Variants in MKNK1 observed in about 807,000 individuals in gnomAD.
MKNK1 encodes MAPK interacting serine/threonine kinase 1, also known as MAP kinase-interacting serine/threonine-protein kinase 1.
Under a neutral mutation model 49.3 loss-of-function variants are expected in MKNK1, and 30 were observed. That is an observed-to-expected ratio of 0.61 (90% CI 0.46 to 0.83). The LOEUF is 0.83. Among genes scored for constraint, MKNK1 ranks in the 40% least tolerant of loss-of-function variants. MKNK1 has a pLI of 0.00. For synonymous variants in MKNK1, 176 were observed against 201.7 expected (o/e 0.87, Z 1.08); for missense variants, 423 against 524.7 (o/e 0.81, Z 1.89).
chr1:46,582,940 C>G (rs896597701), intron 3 of MKNK1: 3 of 579,768 alleles, frequency 5.2e-6, no homozygotes, highest in Non-Finnish European at 9.8e-6. Flanking sequence ...AAAGGAAGAC[C>G]CCAGGCAATG....
chr1:46,596,824 C>T (rs1208972219), intron 1 of MKNK1, among the ~76,000 whole-genome samples: 1 of 152,128 alleles, frequency 6.6e-6, no homozygotes, highest in Non-Finnish European at 1.5e-5. Flanking sequence ...TGGAAAGCAA[C>T]CCAGCCAATC....
intron 9 of MKNK1, among the ~76,000 whole-genome samples, chr1:46,563,993 C>T (rs1392749015): frequency 8.1e-5 from 10 of 123,506 alleles, no homozygotes; most frequent in South Asian, 5.3e-4. Flanking sequence ...TGCAGTGAGC[C>T]GAGATCACGC....
intron 4 of MKNK1, 61 bp downstream of exon 4, chr1:46,580,469 C>A (rs752223928): frequency 2.6e-6 from 3 of 1,148,330 alleles, no homozygotes; most frequent in Middle Eastern, 2.0e-4. Flanking sequence ...TTATTTGGTT[C>A]AAGATGAGCT....
Position 46,566,038 on chromosome 1 carries a change from A to C in MKNK1, c.514-902T>G, listed in dbSNP as rs140328558. Among the ~76,000 whole-genome samples the C allele has an allele frequency of 5.2e-3, 797 of 152,332 alleles. 9 individuals are homozygous for C. Among genetic ancestry groups the C allele is most frequent in the South Asian group, 0.032 (153 of 4,824 alleles). On this transcript the variant is annotated intron_variant, in intron 8 of 12. Transcript: ENST00000371945. Reference sequence around the variant, plus strand: ...AGTAGACAGTTTAGTGGTATTAATTAAGTACATTCACAGGGTTGTGCAACC... The same window carrying C: ...AGTAGACAGTTTAGTGGTATTAATTCAGTACATTCACAGGGTTGTGCAACC...
chr1:46,564,508 C>A (rs1349603871), intron 9 of MKNK1, among the ~76,000 whole-genome samples: 1 of 78,346 alleles, frequency 1.3e-5, no homozygotes, highest in East Asian at 3.8e-4. Context: ...CGGAGTTTTG[C>A]TCTTGTTGCC....
At chr1:46,591,673 CT>C (rs1673361055) in intron 2 of MKNK1, among the ~76,000 whole-genome samples, 2 of 152,196 alleles carry the variant, frequency 1.3e-5, no homozygotes, top group Non-Finnish European at 2.9e-5. Flanking sequence ...CCCCAAGCCC[CT>C]GTCTACCTTC....
chr1:46,593,980 G>T, intron 2 of MKNK1, 133 bp downstream of exon 2: 1 of 670,760 alleles, frequency 1.5e-6, no homozygotes, highest in Non-Finnish European at 2.7e-6. Context: ...TACCAGGGCA[G>T]CTCCGCTATT....
At chr1:46,566,517 G>C (rs1215445546) in intron 8 of MKNK1, among the ~76,000 whole-genome samples, 2 of 152,206 alleles carry the variant, frequency 1.3e-5, no homozygotes, top group African/African-American at 2.4e-5. Context: ...GAGTGGAATT[G>C]CTGGGTCATA....
chr1:46,568,328 G>C, intron 8 of MKNK1, 115 bp downstream of exon 8: 1 of 895,074 alleles, frequency 1.1e-6, no homozygotes, highest in Admixed American at 1.9e-5. Context: ...TGTCCAAGAC[G>C]ATCAGTTCAA....
chr1:46,570,864 C>T (rs533368315), intron 7 of MKNK1, among the ~76,000 whole-genome samples: 13 of 152,330 alleles, frequency 8.5e-5, no homozygotes, highest in Admixed American at 3.3e-4. Flanking sequence ...ACAAGATACA[C>T]ATTTTTCATC....
intron 7 of MKNK1, chr1:46,571,570 T>A (rs1488235460): frequency 4.7e-6 from 2 of 428,252 alleles, no homozygotes; most frequent in Non-Finnish European, 9.2e-6. Context: ...AAAAGAAAAA[T>A]AGATTTTTCA....
chr1:46,561,384 G>T, intron 11 of MKNK1, 94 bp downstream of exon 11: 1 of 1,403,102 alleles, frequency 7.1e-7, no homozygotes, highest in Admixed American at 2.4e-5. Flanking sequence ...CCAGCCACAA[G>T]GCTGGTGCTC....
intron 2 of MKNK1, chr1:46,585,984 A>G: frequency 7.7e-7 from 1 of 1,294,668 alleles, no homozygotes; most frequent in South Asian, 1.2e-5. Flanking sequence ...ACTAGGAAGG[A>G]AAAAATGTAG....
chr1:46,586,684 C>T (rs1193003270), intron 2 of MKNK1, among the ~76,000 whole-genome samples: 2 of 152,208 alleles, frequency 1.3e-5, no homozygotes, highest in Non-Finnish European at 2.9e-5. Context: ...ATGGGTACAA[C>T]TTTGCCCTGT....
intron 9 of MKNK1, among the ~76,000 whole-genome samples, chr1:46,564,152 G>C (rs1294530410): frequency 6.6e-6 from 1 of 151,556 alleles, no homozygotes; most frequent in South Asian, 2.1e-4. Flanking sequence ...AGATGTTTTA[G>C]GAAGAAGTAG....
chr1:46,575,052 AG>A (rs1480322015), intron 5 of MKNK1, 32 bp from the exon 6 acceptor site: 6 of 1,398,590 alleles, frequency 4.3e-6, no homozygotes, highest in Admixed American at 1.7e-5. Context: ...GAGAGGGAAA[AG>A]GGGGGAAATG....
chr1:46,563,158 A>G (rs546094424), intron 9 of MKNK1: 16 of 300,012 alleles, frequency 5.3e-5, no homozygotes, highest in Middle Eastern at 9.0e-4. Context: ...ATAAACAGAT[A>G]TTTCATGTAC....
chr1:46,585,849 TCA>T (rs772974722), intron 2 of MKNK1: 31 of 1,205,994 alleles, frequency 2.6e-5, no homozygotes, highest in Non-Finnish European at 3.3e-5. Context: ...TTTTATGGCT[TCA>T]CACACACACA....
intron 7 of MKNK1, chr1:46,569,292 TAGC>T (rs1489414428): frequency 2.0e-5 from 3 of 152,294 alleles, no homozygotes; most frequent in Non-Finnish European, 1.5e-5. Context: ...CGACTGGAGA[TAGC>T]AGCTTAGCCC....
Sources: allele counts gnomAD v4.1 joint callset (sites outside exome capture counted in the v4.1 genomes callset), GRCh38; gene constraint gnomAD v4.1.1; transcripts MANE v1.5; gene names NCBI Gene and HGNC (gene_info 2026-07-23, HGNC 2026-07-21).